Variants in NF2 observed in about 807,000 individuals in gnomAD.
NF2 encodes merlin.
In NF2, 8 loss-of-function variants were observed where a neutral mutation model predicts 83.7. That is an observed-to-expected ratio of 0.10 (90% CI 0.06 to 0.17). The LOEUF (loss-of-function observed/expected upper bound fraction) is 0.17, where lower values mean the gene tolerates loss of function less well. Among genes scored for constraint, NF2 ranks in the 10% least tolerant of loss-of-function variants. The pLI is 1.00. For missense variants in NF2, 533 were observed against 744.4 expected (o/e 0.72, Z 3.31); for synonymous variants, 266 against 269.6 (o/e 0.99, Z 0.13).
At chr22:29,644,428 C>CT (rs2065919875) in intron 4 of NF2, among the ~76,000 whole-genome samples, 2 of 151,366 alleles carry the variant, frequency 1.3e-5, no homozygotes, top group African/African-American at 4.9e-5. Flanking sequence ...ACGCTCCTCA[C>CT]TTTCCAGACT....
intron 15 of NF2, chr22:29,683,819 G>T (rs2067210198): frequency 1.9e-6 from 2 of 1,060,084 alleles, no homozygotes; most frequent in Non-Finnish European, 2.3e-6. Context: ...CCGAATGTTT[G>T]CTGCTTTTCT....
intron 1 of NF2, among the ~76,000 whole-genome samples, chr22:29,620,747 G>T (rs2065198064): frequency 6.6e-6 from 1 of 151,736 alleles, no homozygotes; most frequent in Admixed American, 6.6e-5. Context: ...TAGAGATGGG[G>T]GTCTCCCTAC....
At chr22:29,628,012 TG>T (rs2065410076) in intron 1 of NF2, among the ~76,000 whole-genome samples, 2 of 152,238 alleles carry the variant, frequency 1.3e-5, no homozygotes, top group Non-Finnish European at 2.9e-5. Context: ...ATTGGAAGAC[TG>T]TTCTGCTCAG....
chr22:29,665,051 G>A lies in NF2; in HGVS notation c.872G>A (p.Arg291His), dbSNP rs755200117. Residue 291 changes from arginine (R) to histidine (H), a missense_variant, in exon 9 of 16, where the codon CGT (arginine) becomes CAT (histidine). Physicochemically the swap from Arg to His is conservative, Grantham distance 29. Coordinates refer to ENST00000338641, the MANE Select transcript of NF2 (RefSeq NM_000268.4). ...TTCAAGTTTAACTCCTCAAAGCTTC[G>A]TGTTAATAAGCTGGTAAGTTGAGAT... Reference protein sequence around the residue: ...DVFKFNSSKLRVNKLILQLCI... With the variant: ...DVFKFNSSKLHVNKLILQLCI... The A allele has an allele frequency of 9.3e-6, 15 of 1,613,044 alleles. No homozygotes were observed. The highest frequency in any genetic ancestry group is 5.0e-5 in the Admixed American group (3 of 60,008).
chr22:29,680,821 A>G (rs2067109262), intron 14 of NF2, among the ~76,000 whole-genome samples: 1 of 151,814 alleles, frequency 6.6e-6, no homozygotes, highest in Non-Finnish European at 1.5e-5. Context: ...CCAGGGGTTC[A>G]AAGCCAGCCT....
intron 8 of NF2, among the ~76,000 whole-genome samples, chr22:29,662,092 C>T (rs2066495276): frequency 6.6e-6 from 1 of 152,158 alleles, no homozygotes; most frequent in Non-Finnish European, 1.5e-5. Context: ...TCCATTCATT[C>T]ATTCACTCAT....
intron 1 of NF2, among the ~76,000 whole-genome samples, chr22:29,628,934 A>G (rs2065440580): frequency 6.6e-6 from 1 of 152,046 alleles, no homozygotes; most frequent in African/African-American, 2.4e-5. Context: ...CCTGGCCTCC[A>G]AGTTTGTGAG....
intron 1 of NF2, among the ~76,000 whole-genome samples, chr22:29,621,886 A>G (rs1214829016): frequency 6.6e-6 from 1 of 151,884 alleles, no homozygotes; most frequent in East Asian, 1.9e-4. Flanking sequence ...GCAGAACTGA[A>G]CTCATTCTCC....
At chr22:29,659,512 A>G (rs1337129883) in intron 7 of NF2, among the ~76,000 whole-genome samples, 1 of 152,184 alleles carries the variant, frequency 6.6e-6, no homozygotes, top group Admixed American at 6.5e-5. Context: ...AGACTAATGG[A>G]TACTGTTTTT....
intron 4 of NF2, among the ~76,000 whole-genome samples, chr22:29,650,125 G>A (rs1414618259): frequency 6.6e-6 from 1 of 151,416 alleles, no homozygotes; most frequent in African/African-American, 2.5e-5. Context: ...TGATGGAAAT[G>A]TTCTGGAATT....
At chr22:29,641,174 C>CA (rs200054676) in intron 3 of NF2, among the ~76,000 whole-genome samples, 2 of 133,760 alleles carry the variant, frequency 1.5e-5, no homozygotes, top group Non-Finnish European at 3.3e-5. Flanking sequence ...TATAGCGTTG[C>CA]TTTTTCCCCC....
chr22:29,638,477 A>G (rs1011230216), intron 2 of NF2, among the ~76,000 whole-genome samples: 2 of 151,566 alleles, frequency 1.3e-5, no homozygotes, highest in Non-Finnish European at 2.9e-5. Flanking sequence ...CAGCCTCCCG[A>G]GTAGCTGGAA....
rs1202105168 is a variant in NF2, at chr22:29,655,623, A to G, written c.546A>G (p.Glu182=). ...TAAATCTGTATCAGATGACTCCGGAAATGTGGGAGGAGAGAATTACTGCTT... is the reference window on the plus strand; with the variant it reads ...TAAATCTGTATCAGATGACTCCGGAGATGTGGGAGGAGAGAATTACTGCTT... ...RVINLYQMTP[E]MWEERITAWY... Residue 182 remains glutamate, a synonymous_variant, in exon 6 of 16, where the codon GAA becomes GAG. Coordinates refer to ENST00000338641, the MANE Select transcript of NF2 (RefSeq NM_000268.4). The G allele has an allele frequency of 6.2e-7, 1 of 1,613,794 alleles. No homozygotes were observed. The highest frequency in any genetic ancestry group is 2.2e-5 in the East Asian group (1 of 44,886).
chr22:29,695,756 G>C lies in NF2; in HGVS notation c.*954G>C, dbSNP rs2067532696. On this transcript the variant is annotated 3_prime_UTR_variant, in exon 16 of 16. Transcript: ENST00000338641. The surrounding 1 kb of genome is among the most constrained non-coding windows in gnomAD (Gnocchi z 5.4). ...ACTCTGAGCTCCACCGGCCCAGTCT[G>C]CACGGCCCATCTGCTTCACCTTCCC... The C allele has an allele frequency of 8.6e-6, 2 of 233,888 alleles. No individual in the cohort carries two copies. Among genetic ancestry groups the C allele is most frequent in the Non-Finnish European group, 1.7e-5 (2 of 118,530 alleles). 14.5% of individuals were successfully genotyped at this position (233,888 alleles called of 1,614,324 possible). A position where few individuals can be genotyped will look rare whatever the true frequency, so the allele number is the denominator to read the frequency against.
At chr22:29,689,636 C>T (rs71331209) in intron 15 of NF2, among the ~76,000 whole-genome samples, 2,114 of 152,158 alleles carry the variant, frequency 0.014, 20 homozygotes, top group Middle Eastern at 0.031. Flanking sequence ...TTTTCTCCTC[C>T]CCTGGGATGA....
intron 14 of NF2, among the ~76,000 whole-genome samples, chr22:29,679,442 T>G (rs761379945): frequency 6.6e-6 from 1 of 152,270 alleles, no homozygotes; most frequent in Non-Finnish European, 1.5e-5. Context: ...TACATTTATG[T>G]GGTTGGGATC....
chr22:29,675,075 A>T lies in NF2; in HGVS notation c.1446+134A>T, dbSNP rs2066920742. On this transcript the variant is annotated intron_variant, in intron 13 of 15. Coordinates refer to ENST00000338641, the MANE Select transcript of NF2 (RefSeq NM_000268.4). ...ACACATGGCTGGATGAGAGGTGCAG[A>T]GAGCCTGCAGTTAGGGACTGGGTAG... 1.9e-5 allele frequency: 14 copies of T among 742,282 alleles called. No homozygotes were observed. In the South Asian group the frequency reaches 2.2e-4, roughly 11 times the overall value. 46.0% of individuals were successfully genotyped at this position (742,282 alleles called of 1,614,324 possible). A position where few individuals can be genotyped will look rare whatever the true frequency, so the allele number is the denominator to read the frequency against.
rs946186549 is a variant in NF2 at position 29,696,263 on chromosome 22, C to T, written c.*1461C>T. 28 of 214,554 alleles carry T rather than the reference C, an allele frequency of 1.3e-4. 1 individual carries two copies. The highest frequency in any genetic ancestry group is 2.4e-4 in the Non-Finnish European group (26 of 106,448). The allele number at this position is 214,554 out of a possible 1,614,324, so 13.3% of individuals were successfully genotyped here. ...CAATGTTCTGTATTTTTAATAGGGA[C>T]GGGGTTTTGCCATGTTAGCTAGGCT... On this transcript the variant is annotated 3_prime_UTR_variant, in exon 16 of 16. Coordinates refer to ENST00000338641, the MANE Select transcript of NF2 (RefSeq NM_000268.4).
At chr22:29,692,876 C>T (rs962204138) in intron 15 of NF2, among the ~76,000 whole-genome samples, 7 of 152,192 alleles carry the variant, frequency 4.6e-5, no homozygotes, top group Non-Finnish European at 1.5e-5. Flanking sequence ...TGTCACCCCA[C>T]GAGGAAGGGG....
Sources: gnomAD v4.1 joint callset for allele counts (sites outside exome capture counted in the v4.1 genomes callset) on GRCh38, gnomAD v4.1.1 for gene constraint, Gnocchi (gnomAD v3.1) non-coding constraint, MANE v1.5 for transcripts, NCBI Gene and HGNC (gene_info 2026-07-23, HGNC 2026-07-21) for gene names.